The following AGFG1 variants were observed in gnomAD, a reference collection of about 807,000 sequenced individuals.
The protein encoded by AGFG1 is ArfGAP with FG repeats 1.
In AGFG1, 10 loss-of-function variants were observed where a neutral mutation model predicts 60.6. That is an observed-to-expected ratio of 0.16 (90% CI 0.10 to 0.28). The LOEUF (loss-of-function observed/expected upper bound fraction) is 0.28, where lower values mean the gene tolerates loss of function less well. AGFG1 is among the 10% of genes least tolerant of loss of function. The probability of loss-of-function intolerance (pLI) is 1.00; values close to 1 mark genes in which losing one functional copy is unlikely to be tolerated. For missense variants in AGFG1, 537 were observed against 676.5 expected, an observed-to-expected ratio of 0.79 and a Z score of 2.29; for synonymous variants, 247 against 242.9, an observed-to-expected ratio of 1.02 and a Z score of -0.16.
chr2:227,489,492 G>C (rs1690738765), intron 1 of AGFG1, among the ~76,000 whole-genome samples: 1 of 152,022 alleles, frequency 6.6e-6, no homozygotes, highest in Admixed American at 6.6e-5. Context: ...AAAGTACTGA[G>C]ATTACAGGTG....
chr2:227,528,145 A>G (rs1309295609), intron 5 of AGFG1, among the ~76,000 whole-genome samples: 1 of 152,246 alleles, frequency 6.6e-6, no homozygotes, highest in African/African-American at 2.4e-5. Context: ...CTAGCAAGCA[A>G]TAAGGGAACC....
chr2:227,491,894 G>C (rs184087385), intron 2 of AGFG1, among the ~76,000 whole-genome samples: 1 of 152,090 alleles, frequency 6.6e-6, no homozygotes, highest in East Asian at 1.9e-4. Context: ...TATAAAAGGC[G>C]TTTCGGAGGA....
At chr2:227,539,171 A>C (rs938238158) in intron 10 of AGFG1, among the ~76,000 whole-genome samples, 3 of 151,992 alleles carry the variant, frequency 2.0e-5, no homozygotes, top group Non-Finnish European at 4.4e-5. Flanking sequence ...GGCCAGGCAC[A>C]GTGGCTCATG....
chr2:227,524,035 A>T, intron 4 of AGFG1, 110 bp downstream of exon 4: 1 of 1,072,540 alleles, frequency 9.3e-7, no homozygotes, highest in Non-Finnish European at 1.3e-6. Context: ...CAGTAGCATT[A>T]TGTTCCAATG....
intron 1 of AGFG1, among the ~76,000 whole-genome samples, chr2:227,481,931 T>C (rs181649647): frequency 2.0e-3 from 298 of 149,030 alleles, no homozygotes; most frequent in African/African-American, 7.0e-3. Flanking sequence ...AGGGGCGCGA[T>C]CTCTGCTCAC....
chr2:227,476,759 ATAT>A (rs1254162035), intron 1 of AGFG1, among the ~76,000 whole-genome samples: 1 of 152,180 alleles, frequency 6.6e-6, no homozygotes, highest in Non-Finnish European at 1.5e-5. Context: ...TCTGTGTATA[ATAT>A]TCAGGACCTT....
chr2:227,475,448 G>A (rs1690253241), intron 1 of AGFG1, among the ~76,000 whole-genome samples: 1 of 152,190 alleles, frequency 6.6e-6, no homozygotes, highest in East Asian at 1.9e-4. Context: ...GAAGACTAGA[G>A]TGGCAACCAT....
In AGFG1 at chr2:227,558,078, A is replaced by G. The variant is rs1477790179; in HGVS notation, c.*3583A>G. On this transcript the variant is annotated 3_prime_UTR_variant, in exon 13 of 13. Transcript: ENST00000310078. The stretch of plus-strand genomic sequence containing the variant: ...TTTTTAACACTACTTCAAGGTAATA[A>G]TAGCAGTGGTATTATGGGCTGTGTA... 6.6e-6 allele frequency: 1 copy of G among 152,188 alleles called. No individual in the cohort carries two copies. Among genetic ancestry groups the G allele is most frequent in the African/African-American group, 2.4e-5 (1 of 41,428 alleles). The allele number at this position is 152,188 out of a possible 1,614,324, so 9.4% of individuals were successfully genotyped here.
Position 227,557,990 on chromosome 2 carries a change from C to A in AGFG1, c.*3495C>A, listed in dbSNP as rs542881584. 6.6e-6 allele frequency: 1 copy of A among 152,288 alleles called. No individual in the cohort carries two copies. Among genetic ancestry groups the A allele is most frequent in the Admixed American group, 6.5e-5 (1 of 15,294 alleles). 9.4% of individuals were successfully genotyped at this position (152,288 alleles called of 1,614,324 possible). On this transcript the variant is annotated 3_prime_UTR_variant, in exon 13 of 13. Transcript: ENST00000310078. ...GTATTTCTAGAACAGTATTTACTTG[C>A]AGGGCAAACATAACTATTCCCTGGG...
intron 3 of AGFG1, among the ~76,000 whole-genome samples, chr2:227,520,538 C>T (rs1034126861): frequency 6.6e-6 from 1 of 151,992 alleles, no homozygotes; most frequent in Non-Finnish European, 1.5e-5. Context: ...TTCTTTTGAC[C>T]TAAGAAATCA....
intron 2 of AGFG1, among the ~76,000 whole-genome samples, chr2:227,514,884 C>T (rs1183900460): frequency 2.0e-5 from 3 of 152,158 alleles, no homozygotes; most frequent in Non-Finnish European, 4.4e-5. Flanking sequence ...GCTGCATCTT[C>T]TTGTTGCAGT....
chr2:227,480,084 G>C (rs78318442), intron 1 of AGFG1, among the ~76,000 whole-genome samples: 1 of 152,154 alleles, frequency 6.6e-6, no homozygotes, highest in African/African-American at 2.4e-5. Flanking sequence ...ACAAACTGGA[G>C]CATGCTCCAA....
At chr2:227,544,033 T>G (rs1477271675) in intron 10 of AGFG1, among the ~76,000 whole-genome samples, 1 of 152,156 alleles carries the variant, frequency 6.6e-6, no homozygotes, top group Admixed American at 6.5e-5. Context: ...GCTTGGTAGA[T>G]CTTCCTCCAT....
chr2:227,475,771 G>C (rs1690264664), intron 1 of AGFG1, among the ~76,000 whole-genome samples: 1 of 152,162 alleles, frequency 6.6e-6, no homozygotes, highest in Admixed American at 6.5e-5. Context: ...GCTCAGGGTT[G>C]TTAAGAGGAT....
rs770474912 is a variant in AGFG1 at position 227,472,597 on chromosome 2, G to A, written c.167+9G>A. ...TCCTGCTCCGGCAGCCTGTGAGTGCGGGGCGGCCGGGCGGGTGTCGGGCCC... is the reference window on the plus strand; with the variant it reads ...TCCTGCTCCGGCAGCCTGTGAGTGCAGGGCGGCCGGGCGGGTGTCGGGCCC... On this transcript the variant is annotated intron_variant, in intron 1 of 12. Coordinates refer to ENST00000310078, the MANE Select transcript of AGFG1 (RefSeq NM_004504.5). 6.4e-7 allele frequency: 1 copy of A among 1,567,642 alleles called. No homozygotes were observed. The highest frequency in any genetic ancestry group is 1.8e-5 in the Admixed American group (1 of 55,786).
intron 5 of AGFG1, among the ~76,000 whole-genome samples, chr2:227,528,100 A>G (rs1217061372): frequency 6.6e-6 from 1 of 152,224 alleles, no homozygotes; most frequent in Non-Finnish European, 1.5e-5. Context: ...AGTTTGAAAA[A>G]TTGTAGAAAA....
chr2:227,537,083 C>G, intron 10 of AGFG1, 90 bp downstream of exon 10: 1 of 1,091,424 alleles, frequency 9.2e-7, no homozygotes. Flanking sequence ...AATGGGGCCT[C>G]TTTCTTAGTG....
intron 6 of AGFG1, among the ~76,000 whole-genome samples, chr2:227,532,500 C>T (rs2106219547): frequency 6.6e-6 from 1 of 152,134 alleles, no homozygotes; most frequent in South Asian, 2.1e-4. Context: ...TACATACAAA[C>T]ATATATTACT....
rs756150234 is a variant in AGFG1, at chr2:227,536,726, A to G, written c.1285+22A>G. ...GGAGGTATGTGCTTCTGGTATATAC[A>G]CTGGTTTTTACAAAGAACCCAAATA... On this transcript the variant is annotated intron_variant, in intron 9 of 12. Transcript: ENST00000310078. The G allele has an allele frequency of 3.7e-6, 6 of 1,609,996 alleles. No homozygotes were observed. In the East Asian group the frequency reaches 8.9e-5, roughly 24 times the overall value.
Sources: gnomAD v4.1 joint callset for allele counts (sites outside exome capture counted in the v4.1 genomes callset) on GRCh38, gnomAD v4.1.1 for gene constraint, MANE v1.5 for transcripts, NCBI Gene and HGNC (gene_info 2026-07-23, HGNC 2026-07-21) for gene names.